Variants in EIF4G3 observed in about 807,000 individuals in gnomAD.
EIF4G3 encodes eIF-4-gamma 3.
A neutral mutation model predicts 186.4 loss-of-function variants in EIF4G3; 34 were observed. The observed-to-expected ratio is 0.18, with a 90% confidence interval of 0.14 to 0.24. The LOEUF (loss-of-function observed/expected upper bound fraction) is 0.24, where lower values mean the gene tolerates loss of function less well. EIF4G3 is among the 10% of genes least tolerant of loss of function. The pLI, the probability that EIF4G3 is intolerant of heterozygous loss-of-function variation, is 1.00. For synonymous variants in EIF4G3, 673 were observed against 679.5 expected, an observed-to-expected ratio of 0.99 and a Z score of 0.15; for missense variants, 1,536 against 1,948.5, an observed-to-expected ratio of 0.79 and a Z score of 3.99.
At chr1:20,809,374 C>A (rs905779424) in intron 36 of EIF4G3, among the ~76,000 whole-genome samples, 2 of 152,120 alleles carry the variant, frequency 1.3e-5, no homozygotes, top group Non-Finnish European at 1.5e-5. Context: ...CGATTCAGGA[C>A]TAGGAAAGAA....
chr1:21,169,656 A>G (rs1307833167), intron 2 of EIF4G3: 5 of 152,296 alleles, frequency 3.3e-5, no homozygotes, highest in Middle Eastern at 6.8e-3. Context: ...CTCAGTATCA[A>G]TATGTACTTC....
chr1:20,936,500 G>C (rs963126834), intron 14 of EIF4G3, among the ~76,000 whole-genome samples: 2 of 152,078 alleles, frequency 1.3e-5, no homozygotes, highest in Non-Finnish European at 2.9e-5. Context: ...AGGCCAACAG[G>C]ATACTCAAAC....
At chr1:20,839,138 C>T (rs970663968) in intron 30 of EIF4G3, among the ~76,000 whole-genome samples, 18 of 151,936 alleles carry the variant, frequency 1.2e-4, no homozygotes, top group South Asian at 4.2e-4. Flanking sequence ...CCACCACGCC[C>T]GGCTAATTTT....
chr1:21,074,470 A>G (rs935552574), intron 3 of EIF4G3, among the ~76,000 whole-genome samples: 2 of 152,182 alleles, frequency 1.3e-5, no homozygotes, highest in African/African-American at 4.8e-5. Flanking sequence ...AAATTTATCA[A>G]ATACAAAAAT....
At chr1:21,098,072 T>C (rs996233825) in intron 2 of EIF4G3, among the ~76,000 whole-genome samples, 13 of 152,102 alleles carry the variant, frequency 8.5e-5, no homozygotes, top group African/African-American at 2.9e-4. Flanking sequence ...AAGCAAGGCC[T>C]TGTCTCTACA....
At chr1:21,003,346 G>A (rs1199734429) in intron 4 of EIF4G3, among the ~76,000 whole-genome samples, 1 of 151,070 alleles carries the variant, frequency 6.6e-6, no homozygotes, top group Non-Finnish European at 1.5e-5. Flanking sequence ...AAACTCCTGG[G>A]CTCAAAGAGA....
chr1:20,867,575 G>T (rs1303923962), intron 20 of EIF4G3, among the ~76,000 whole-genome samples: 1 of 152,116 alleles, frequency 6.6e-6, no homozygotes, highest in East Asian at 1.9e-4. Context: ...ATCAAATGAG[G>T]TATCTAAGGA....
chr1:20,817,448 C>G lies in EIF4G3; in HGVS notation c.4459G>C (p.Glu1487Gln). The change falls in exon 34 of 37, where the codon GAG becomes CAG. Residue 1487 changes from glutamate (E) to glutamine (Q), a missense_variant. Around this residue, in one of 11 missense-constraint regions of EIF4G3, gnomAD observed 395 missense variants for 498.9 expected, o/e 0.79. Transcript: ENST00000602326. ...LSAEELYKRL[E>Q]KLIIEDKAND... ...GCTTTGTCCTCAATAATGAGTTTCT[C>G]GAGTCGCTTATACAGCTCTTCGGCA... The G allele has an allele frequency of 1.2e-6, 2 of 1,609,456 alleles. No homozygotes were observed. Among genetic ancestry groups the G allele is most frequent in the Non-Finnish European group, 8.5e-7 (1 of 1,177,496 alleles).
At chr1:20,944,605 C>T (rs1217359280) in intron 13 of EIF4G3, among the ~76,000 whole-genome samples, 1 of 151,928 alleles carries the variant, frequency 6.6e-6, no homozygotes, top group African/African-American at 2.4e-5. Flanking sequence ...GAAATTGATT[C>T]TCACATTAAA....
intron 5 of EIF4G3, 124 bp downstream of exon 5, chr1:21,002,589 T>A (rs1204681934): frequency 8.2e-6 from 8 of 975,204 alleles, no homozygotes; most frequent in Non-Finnish European, 1.2e-5. Flanking sequence ...GGAGTCATAA[T>A]AATAAATCAT....
At chr1:21,071,071 C>T (rs551817627) in intron 3 of EIF4G3, among the ~76,000 whole-genome samples, 4 of 152,152 alleles carry the variant, frequency 2.6e-5, no homozygotes, top group South Asian at 2.1e-4. Flanking sequence ...TGAAAATTCA[C>T]ATTAGCTTTA....
At chr1:20,856,822 T>C (rs1217484483) in intron 25 of EIF4G3, among the ~76,000 whole-genome samples, 1 of 152,218 alleles carries the variant, frequency 6.6e-6, no homozygotes, top group Non-Finnish European at 1.5e-5. Context: ...AAGCATCTTA[T>C]GTCTAAGAAG....
chr1:21,080,867 C>A (rs2095756243), intron 3 of EIF4G3, among the ~76,000 whole-genome samples: 1 of 152,106 alleles, frequency 6.6e-6, no homozygotes, highest in African/African-American at 2.4e-5. Context: ...ATATAAATTT[C>A]TCCTTCTTTT....
chr1:21,129,053 G>A (rs2097102126), intron 2 of EIF4G3, among the ~76,000 whole-genome samples: 1 of 152,138 alleles, frequency 6.6e-6, no homozygotes, highest in Admixed American at 6.6e-5. Context: ...GGTAGCTCAT[G>A]CCTGTAATCC....
intron 14 of EIF4G3, among the ~76,000 whole-genome samples, chr1:20,905,785 A>T (rs1178565677): frequency 1.3e-5 from 2 of 152,198 alleles, no homozygotes; most frequent in Middle Eastern, 3.2e-3. Context: ...GACAAGAGTG[A>T]GGTACTATAG....
intron 34 of EIF4G3, among the ~76,000 whole-genome samples, chr1:20,816,398 C>G (rs1383098551): frequency 7.9e-6 from 1 of 125,832 alleles, no homozygotes; most frequent in South Asian, 2.9e-4. Flanking sequence ...CGGCCGGCCG[C>G]CCCGTCCGGG....
chr1:20,829,325 A>C (rs2064478641), intron 30 of EIF4G3, 53 bp from the exon 31 acceptor site: 1 of 1,593,312 alleles, frequency 6.3e-7, no homozygotes, highest in Admixed American at 1.8e-5. Flanking sequence ...CAAAAGTTAA[A>C]ATTAAATAAA....
At chr1:20,996,584 A>G (rs1247978800) in intron 7 of EIF4G3, among the ~76,000 whole-genome samples, 1 of 152,222 alleles carries the variant, frequency 6.6e-6, no homozygotes, top group Non-Finnish European at 1.5e-5. Flanking sequence ...TTACTCAGTA[A>G]TAAGAATTGT....
chr1:21,040,127 T>C (rs1014058044), intron 4 of EIF4G3, among the ~76,000 whole-genome samples: 1 of 152,188 alleles, frequency 6.6e-6, no homozygotes, highest in Non-Finnish European at 1.5e-5. Flanking sequence ...GAGTTGATCA[T>C]CACAAGGGCA....
Sources: allele counts gnomAD v4.1 joint callset (sites outside exome capture counted in the v4.1 genomes callset), GRCh38; gene constraint gnomAD v4.1.1; regional missense constraint gnomAD v4.1.1; transcripts MANE v1.5; gene names NCBI Gene and HGNC (gene_info 2026-07-23, HGNC 2026-07-21).